The following VEPH1 variants were observed in gnomAD, a reference collection of about 807,000 sequenced individuals.
The protein encoded by VEPH1 is ventricular zone expressed PH domain containing 1.
In VEPH1, 80 loss-of-function variants were observed where a neutral mutation model predicts 85.2. The ratio of observed to expected loss-of-function variants is 0.94; its 90% CI spans 0.78 to 1.13. The LOEUF (loss-of-function observed/expected upper bound fraction) is 1.13. Among genes scored for constraint, VEPH1 ranks in the 50% most tolerant of loss-of-function variants. VEPH1 has a pLI of 0.00. For missense variants in VEPH1, 955 were observed against 980.5 expected (o/e 0.97, Z 0.35); for synonymous variants, 297 against 348.0 (o/e 0.85, Z 1.63).
At chr3:157,477,469 T>C (rs1192760677) in intron 2 of VEPH1, among the ~76,000 whole-genome samples, 2 of 151,872 alleles carry the variant, frequency 1.3e-5, no homozygotes, top group African/African-American at 4.8e-5. Flanking sequence ...GGTTCTGGGG[T>C]TTAGGATGAG....
intron 12 of VEPH1, among the ~76,000 whole-genome samples, chr3:157,279,718 A>G (rs559088060): frequency 2.0e-5 from 3 of 152,276 alleles, no homozygotes; most frequent in South Asian, 4.2e-4. Flanking sequence ...TGTGGCTGCT[A>G]AAAAGTACCA....
At chr3:157,346,610 C>T (rs1235478040) in intron 9 of VEPH1, among the ~76,000 whole-genome samples, 2 of 150,294 alleles carry the variant, frequency 1.3e-5, no homozygotes, top group African/African-American at 4.9e-5. Context: ...GCCTTAAATA[C>T]TTTTTTTTTT....
intron 4 of VEPH1, among the ~76,000 whole-genome samples, chr3:157,456,300 TC>T (rs1240097175): frequency 3.9e-5 from 6 of 152,176 alleles, no homozygotes; most frequent in African/African-American, 1.4e-4. Flanking sequence ...TTTCCTTTCA[TC>T]CTCTAGATTG....
chr3:157,418,844 T>C (rs1369357280), intron 5 of VEPH1, among the ~76,000 whole-genome samples: 1 of 152,210 alleles, frequency 6.6e-6, no homozygotes, highest in African/African-American at 2.4e-5. Flanking sequence ...AAAAGTCATT[T>C]GGAACCAAAG....
chr3:157,445,647 GGTGTAGTGGC>G (rs55681316), intron 4 of VEPH1, among the ~76,000 whole-genome samples: 20,936 of 151,462 alleles, frequency 0.14, 2,720 homozygotes, highest in African/African-American at 0.33. Context: ...AAATTAGCTG[GGTGTAGTGGC>G]GTGCGCCTGT....
intron 9 of VEPH1, among the ~76,000 whole-genome samples, chr3:157,325,252 T>C (rs568838741): frequency 7.2e-5 from 11 of 152,176 alleles, no homozygotes; most frequent in Middle Eastern, 3.2e-3. Context: ...CTTTGTCAGA[T>C]GGATAGATTG....
At chr3:157,381,839 G>A (rs1728819854) in intron 6 of VEPH1, among the ~76,000 whole-genome samples, 1 of 152,198 alleles carries the variant, frequency 6.6e-6, no homozygotes, top group Admixed American at 6.5e-5. Context: ...TTCATTCATA[G>A]TTCCTCTGAG....
chr3:157,342,252 C>G (rs916722968), intron 9 of VEPH1, among the ~76,000 whole-genome samples: 3 of 152,114 alleles, frequency 2.0e-5, no homozygotes, highest in African/African-American at 7.2e-5. Flanking sequence ...AGAGTCAAGA[C>G]CCATCAGTGT....
chr3:157,500,212 A>G (rs1173030159), intron 1 of VEPH1, among the ~76,000 whole-genome samples: 2 of 152,218 alleles, frequency 1.3e-5, no homozygotes, highest in Non-Finnish European at 2.9e-5. Context: ...GGGCACTGGA[A>G]CCTTCCTTTA....
At chr3:157,462,010 C>T (rs1735920844) in intron 3 of VEPH1, among the ~76,000 whole-genome samples, 3 of 149,690 alleles carry the variant, frequency 2.0e-5, no homozygotes, top group African/African-American at 7.3e-5. Context: ...ATAATATGTT[C>T]TGGGTACTGG....
At chr3:157,422,758 C>T (rs1732441886) in intron 5 of VEPH1, among the ~76,000 whole-genome samples, 1 of 152,232 alleles carries the variant, frequency 6.6e-6, no homozygotes. Flanking sequence ...TTTCCTCTCA[C>T]ATCTTCAATC....
intron 3 of VEPH1, among the ~76,000 whole-genome samples, chr3:157,460,891 A>G (rs1387758981): frequency 1.3e-5 from 2 of 152,084 alleles, no homozygotes; most frequent in Non-Finnish European, 2.9e-5. Context: ...AAACAGGGGC[A>G]TGATTATGAA....
intron 4 of VEPH1, among the ~76,000 whole-genome samples, chr3:157,439,142 C>G (rs1733911595): frequency 6.6e-6 from 1 of 152,130 alleles, no homozygotes; most frequent in Non-Finnish European, 1.5e-5. Flanking sequence ...CTCAATGTGA[C>G]AGGAGAGAAA....
intron 9 of VEPH1, among the ~76,000 whole-genome samples, chr3:157,349,018 C>T (rs1262701080): frequency 3.3e-5 from 5 of 152,174 alleles, no homozygotes; most frequent in African/African-American, 9.7e-5. Flanking sequence ...CCAGCATATC[C>T]CTGATACCAA....
At chr3:157,378,282 C>G in intron 7 of VEPH1, among the ~76,000 whole-genome samples, 1 of 133,996 alleles carries the variant, frequency 7.5e-6, no homozygotes, top group African/African-American at 2.8e-5. Flanking sequence ...ACTTATGGGT[C>G]TATGAAAATG....
chr3:157,457,410 A>T (rs1735473162), intron 4 of VEPH1, among the ~76,000 whole-genome samples: 1 of 152,150 alleles, frequency 6.6e-6, no homozygotes, highest in Non-Finnish European at 1.5e-5. Flanking sequence ...AGGATTTCCA[A>T]CACTATGTTG....
chr3:157,398,546 A>AGC (rs1560031976), intron 6 of VEPH1, among the ~76,000 whole-genome samples: 3 of 152,024 alleles, frequency 2.0e-5, no homozygotes, highest in Admixed American at 6.6e-5. Context: ...AGGCAGAAGA[A>AGC]TTGTTTGAAC....
chr3:157,407,242 TC>T (rs1198558477), intron 6 of VEPH1, among the ~76,000 whole-genome samples: 2 of 152,152 alleles, frequency 1.3e-5, no homozygotes, highest in Non-Finnish European at 2.9e-5. Flanking sequence ...TTAAACCACT[TC>T]ATATTTAGTT....
chr3:157,263,433 C>T (rs1321212965), intron 13 of VEPH1, among the ~76,000 whole-genome samples: 1 of 150,604 alleles, frequency 6.6e-6, no homozygotes, highest in Non-Finnish European at 1.5e-5. Context: ...AAAACATTCT[C>T]ATAGATTAAC....
Sources: gnomAD v4.1 joint callset for allele counts (sites outside exome capture counted in the v4.1 genomes callset) on GRCh38, gnomAD v4.1.1 for gene constraint, MANE v1.5 for transcripts, NCBI Gene and HGNC (gene_info 2026-07-23, HGNC 2026-07-21) for gene names.